The following MACROD2 variants were observed in gnomAD, a reference collection of about 807,000 sequenced individuals.
MACROD2 encodes mono-ADP ribosylhydrolase 2.
In MACROD2, 36 loss-of-function variants were observed where a neutral mutation model predicts 70.4. The ratio of observed to expected loss-of-function variants is 0.51; its 90% confidence interval spans 0.39 to 0.68. The LOEUF (loss-of-function observed/expected upper bound fraction) is 0.68, where lower values mean the gene tolerates loss of function less well. Among genes scored for constraint, MACROD2 ranks in the 30% least tolerant of loss-of-function variants. The pLI, the probability that MACROD2 is intolerant of heterozygous loss-of-function variation, is 0.00. For missense variants in MACROD2, 496 were observed against 538.4 expected (o/e 0.92, Z 0.78); for synonymous variants, 172 against 178.8 (o/e 0.96, Z 0.30).
At chr20:14,767,013 G>C (rs145246583) in intron 5 of MACROD2, among the ~76,000 whole-genome samples, 3 of 152,050 alleles carry the variant, frequency 2.0e-5, no homozygotes, top group African/African-American at 7.3e-5. Context: ...CACACAGTTA[G>C]ATGTGCGAAC....
intron 15 of MACROD2, among the ~76,000 whole-genome samples, chr20:15,996,570 T>A (rs2066635249): frequency 6.6e-6 from 1 of 152,162 alleles, no homozygotes; most frequent in Non-Finnish European, 1.5e-5. Flanking sequence ...AGGTAATCTG[T>A]TTTATTATAA....
rs1017651236 is a variant in MACROD2 at position 15,674,755 on chromosome 20, T to G, written c.645+174908T>G. Among the ~76,000 whole-genome samples, 24 of 36,600 alleles carry G rather than the reference T, an allele frequency of 6.6e-4. No homozygotes were observed. In the East Asian group the frequency reaches 6.9e-3, roughly 10 times the overall value. The allele number at this position is 36,600 out of a possible 152,430, so 24.0% of individuals were successfully genotyped here. A position where few individuals can be genotyped will look rare whatever the true frequency, so the allele number is the denominator to read the frequency against. On this transcript the variant is annotated intron_variant, in intron 8 of 17. Coordinates refer to ENST00000684519, the MANE Select transcript of MACROD2 (RefSeq NM_001351661.2). ...TGTGTGTGTCTATGTGTGTGTGTGT[T>G]GTGTGTGTGTGTGTGTGTGTGTGTT...
chr20:15,542,322 T>C (rs996833259), intron 8 of MACROD2, among the ~76,000 whole-genome samples: 4 of 152,176 alleles, frequency 2.6e-5, no homozygotes, highest in African/African-American at 9.7e-5. Flanking sequence ...AATGATTGTA[T>C]AGAGATTAAG....
intron 5 of MACROD2, among the ~76,000 whole-genome samples, chr20:15,024,952 G>C (rs79911940): frequency 0.025 from 3,788 of 152,174 alleles, 151 homozygotes; most frequent in African/African-American, 0.086. Flanking sequence ...ACGAGGATGG[G>C]ATACAGGTTT....
chr20:14,697,420 A>C (rs1030277589), intron 5 of MACROD2, among the ~76,000 whole-genome samples: 1 of 152,234 alleles, frequency 6.6e-6, no homozygotes, highest in Non-Finnish European at 1.5e-5. Context: ...GAGCCGAAAC[A>C]GGGAACTGCA....
At chr20:14,186,342 AT>A (rs1438058224) in intron 3 of MACROD2, among the ~76,000 whole-genome samples, 2 of 152,198 alleles carry the variant, frequency 1.3e-5, no homozygotes, top group African/African-American at 4.8e-5. Flanking sequence ...GGCCAAAAAA[AT>A]AGATGAAAAA....
At chr20:15,050,283 A>G (rs1233752941) in intron 5 of MACROD2, among the ~76,000 whole-genome samples, 1 of 152,166 alleles carries the variant, frequency 6.6e-6, no homozygotes, top group Non-Finnish European at 1.5e-5. Context: ...GGTACTGACT[A>G]AAAAGCACTC....
In MACROD2 at chr20:14,050,606, G is replaced by T. The variant is rs2053553073; in HGVS notation, c.164-35015G>T. ...ACCAGAAAACCAACAGTGCAAAACA[G>T]AAAGTGAACGAAGGAAAAAACTGAC... On this transcript the variant is annotated intron_variant, in intron 2 of 17. Coordinates refer to ENST00000684519, the MANE Select transcript of MACROD2 (RefSeq NM_001351661.2). Among the ~76,000 whole-genome samples the T allele has an allele frequency of 2.0e-5, 3 of 150,876 alleles. No homozygotes were observed. In the South Asian group the frequency reaches 6.3e-4, roughly 31 times the overall value.
Position 14,257,974 on chromosome 20 carries a change from G to A in MACROD2, c.271+172246G>A, listed in dbSNP as rs566068535. 1.4e-4 allele frequency among the ~76,000 whole-genome samples: 21 copies of A among 152,216 alleles called. No individual in the cohort carries two copies. The East Asian group carries it at 3.9e-3, about 28-fold the overall frequency. ...TAGCTTGGCTCCCATTTAAAATTGA[G>A]AACATATAAGATTTGGTTTTCCATT... On this transcript the variant is annotated intron_variant, in intron 3 of 17. Coordinates refer to ENST00000684519, the MANE Select transcript of MACROD2 (RefSeq NM_001351661.2).
chr20:14,158,159 T>C (rs2055131131), intron 3 of MACROD2, among the ~76,000 whole-genome samples: 1 of 152,204 alleles, frequency 6.6e-6, no homozygotes, highest in African/African-American at 2.4e-5. Context: ...GGTTTTGATT[T>C]ACATTTCCCT....
chr20:14,108,810 T>A (rs1273193902), intron 3 of MACROD2, among the ~76,000 whole-genome samples: 6 of 152,006 alleles, frequency 3.9e-5, no homozygotes, highest in Non-Finnish European at 7.4e-5. Flanking sequence ...CCCAATACAA[T>A]AATAACTGGA....
chr20:15,793,350 T>C (rs138674044), intron 8 of MACROD2, among the ~76,000 whole-genome samples: 343 of 152,322 alleles, frequency 2.3e-3, no homozygotes, highest in African/African-American at 7.4e-3. Flanking sequence ...CAGGTGATAC[T>C]GCTGCCTCTG....
At chr20:15,169,178 C>T (rs985489859) in intron 5 of MACROD2, among the ~76,000 whole-genome samples, 1 of 151,968 alleles carries the variant, frequency 6.6e-6, no homozygotes, top group Non-Finnish European at 1.5e-5. Flanking sequence ...TATATTTCAC[C>T]ACAGTTAAAA....
At chr20:14,497,340 A>C (rs2084865346) in intron 4 of MACROD2, among the ~76,000 whole-genome samples, 1 of 151,714 alleles carries the variant, frequency 6.6e-6, no homozygotes, top group Non-Finnish European at 1.5e-5. Flanking sequence ...CTGTAATAAG[A>C]ATGTTGTACA....
chr20:15,681,786 G>C (rs2050163246), intron 8 of MACROD2, among the ~76,000 whole-genome samples: 1 of 152,152 alleles, frequency 6.6e-6, no homozygotes, highest in African/African-American at 2.4e-5. Context: ...TGTTACATGA[G>C]GTGTGTAATG....
At position 15,021,291 on chromosome 20, in the gene MACROD2, T is replaced by TATATATACACATAC. The variant is rs1450811556; in HGVS notation, c.419-208649_419-208648insATATATACACATAC. ...GTGTGTGTATACGCACACCTGTGTG[T>TATATATACACATAC]GTGTATATGCACATATACATATACA... On this transcript the variant is annotated intron_variant, in intron 5 of 17. Transcript: ENST00000684519. 1.4e-3 allele frequency among the ~76,000 whole-genome samples: 199 copies of TATATATACACATAC among 137,840 alleles called. 21 individuals carry two copies. The highest frequency in any genetic ancestry group is 4.9e-3 in the African/African-American group (184 of 37,492). 90.4% of individuals were successfully genotyped at this position (137,840 alleles called of 152,430 possible). A position where few individuals can be genotyped will look rare whatever the true frequency, so the allele number is the denominator to read the frequency against.
intron 5 of MACROD2, among the ~76,000 whole-genome samples, chr20:14,835,524 A>C (rs1192219479): frequency 6.6e-6 from 1 of 152,050 alleles, no homozygotes; most frequent in East Asian, 1.9e-4. Flanking sequence ...CTAGAGAAAA[A>C]GACTTAGAAA....
chr20:14,730,987 A>G (rs1416471040), intron 5 of MACROD2, among the ~76,000 whole-genome samples: 1 of 141,768 alleles, frequency 7.1e-6, no homozygotes, highest in East Asian at 2.3e-4. Context: ...TAGCACACAC[A>G]CACACACACA....
chr20:14,400,651 C>T (rs1180657069), intron 3 of MACROD2, among the ~76,000 whole-genome samples: 2 of 152,126 alleles, frequency 1.3e-5, no homozygotes, highest in South Asian at 2.1e-4. Flanking sequence ...AAAATGTCTC[C>T]GGGCAGCAAG....
Sources: allele counts gnomAD v4.1 joint callset (sites outside exome capture counted in the v4.1 genomes callset), GRCh38; gene constraint gnomAD v4.1.1; transcripts MANE v1.5; gene names NCBI Gene and HGNC (gene_info 2026-07-23, HGNC 2026-07-21).